Variants in NLK observed in about 807,000 individuals in gnomAD.
NLK encodes the protein nemo like kinase, also known as serine/threonine-protein kinase NLK.
In NLK, 11 loss-of-function variants were observed where a neutral mutation model predicts 59.0. The observed-to-expected ratio is 0.19, with a 90% confidence interval of 0.12 to 0.31. NLK has a LOEUF of 0.31. Ranked by LOEUF, NLK falls within the 10% of genes least tolerant of loss-of-function variation. NLK has a pLI of 1.00. For missense variants in NLK, 410 were observed against 661.1 expected (o/e 0.62, Z 4.16); for synonymous variants, 235 against 235.9 (o/e 1.00, Z 0.03).
chr17:28,111,996 T>C (rs967963119), intron 1 of NLK, among the ~76,000 whole-genome samples: 24 of 150,762 alleles, frequency 1.6e-4, no homozygotes, highest in Admixed American at 2.0e-4. Context: ...TTTTATTTTC[T>C]GCTGAGCCCT....
chr17:28,177,769 G>T (rs1908743343), intron 7 of NLK, among the ~76,000 whole-genome samples: 1 of 152,222 alleles, frequency 6.6e-6, no homozygotes, highest in African/African-American at 2.4e-5. Flanking sequence ...TAAGAAATAA[G>T]ATACATGTTT....
At chr17:28,183,921 T>G (rs576436451) in intron 7 of NLK, among the ~76,000 whole-genome samples, 1 of 152,350 alleles carries the variant, frequency 6.6e-6, no homozygotes, top group African/African-American at 2.4e-5. Context: ...TCACCTTCCT[T>G]AATTCTGCCT....
At chr17:28,139,259 A>G (rs1233836759) in intron 3 of NLK, among the ~76,000 whole-genome samples, 1 of 152,204 alleles carries the variant, frequency 6.6e-6, no homozygotes, top group African/African-American at 2.4e-5. Context: ...CCCACCAAAA[A>G]AAACAAAAGA....
intron 1 of NLK, among the ~76,000 whole-genome samples, chr17:28,105,521 T>G (rs1905046756): frequency 6.6e-6 from 1 of 152,250 alleles, no homozygotes. Flanking sequence ...TCCAGTTAAC[T>G]GGCTTTTCAA....
intron 10 of NLK, among the ~76,000 whole-genome samples, chr17:28,193,493 A>G (rs901894978): frequency 6.6e-6 from 1 of 152,224 alleles, no homozygotes; most frequent in African/African-American, 2.4e-5. Context: ...TCCTGATGCT[A>G]CAGCCTTGCA....
At position 28,047,708 on chromosome 17, in the gene NLK, A is replaced by G. The variant is rs141391882; in HGVS notation, c.458+4377A>G. Among the ~76,000 whole-genome samples the G allele has an allele frequency of 8.1e-4, 123 of 152,328 alleles. 1 individual carries two copies. The highest frequency in any genetic ancestry group is 2.6e-3 in the African/African-American group (109 of 41,586). Reference sequence around the variant, plus strand: ...AATTACTCAGTATAAGCCCTTGTGCATGGTAGAGATTGTCTAGCTTGCTCA... The same window carrying G: ...AATTACTCAGTATAAGCCCTTGTGCGTGGTAGAGATTGTCTAGCTTGCTCA... On this transcript the variant is annotated intron_variant, in intron 1 of 10. Coordinates refer to ENST00000407008, the MANE Select transcript of NLK (RefSeq NM_016231.5).
Position 28,191,178 on chromosome 17 carries a change from A to G in NLK, c.1394A>G (p.Asp465Gly), listed in dbSNP as rs1909292946. The G allele has an allele frequency of 1.2e-6, 2 of 1,612,960 alleles. No homozygotes were observed. Among genetic ancestry groups the G allele is most frequent in the South Asian group, 2.2e-5 (2 of 90,908 alleles). ...CCTGTCACCAATCCCAAATTTGATG[A>G]CACTTTCGAGAAGAACCTCAGTTCT... is the stretch of plus-strand genomic sequence containing the variant. ...FEPVTNPKFD[D>G]TFEKNLSSVR... The change falls in exon 9 of 11, where the codon GAC becomes GGC. Residue 465 changes from aspartate (D) to glycine (G), a missense_variant. Transcript: ENST00000407008.
chr17:28,110,230 T>G (rs1263688697), intron 1 of NLK, among the ~76,000 whole-genome samples: 5 of 152,128 alleles, frequency 3.3e-5, no homozygotes, highest in Non-Finnish European at 2.9e-5. Context: ...TATATATATA[T>G]CTTGGAATAT....
intron 1 of NLK, among the ~76,000 whole-genome samples, chr17:28,108,113 A>G (rs563358489): frequency 1.0e-3 from 157 of 152,282 alleles, no homozygotes; most frequent in African/African-American, 3.6e-3. Context: ...GCGTGCATGT[A>G]GTCCCAGCTA....
intron 4 of NLK, among the ~76,000 whole-genome samples, chr17:28,162,591 C>T (rs1053288597): frequency 3.3e-5 from 5 of 151,990 alleles, no homozygotes; most frequent in African/African-American, 9.7e-5. Context: ...GAGCCAAGAT[C>T]GCGTCACTGC....
intron 3 of NLK, among the ~76,000 whole-genome samples, chr17:28,157,629 C>T (rs539975056): frequency 2.6e-4 from 40 of 152,040 alleles, no homozygotes; most frequent in Admixed American, 7.2e-4. Context: ...ACCTGGCCTA[C>T]TTTATTAGTT....
Position 28,192,140 on chromosome 17 carries a change from T to C in NLK, c.1456T>C (p.Leu486=). 6.2e-7 allele frequency: 1 copy of C among 1,607,486 alleles called. No individual in the cohort carries two copies. Among genetic ancestry groups the C allele is most frequent in the Non-Finnish European group, 8.5e-7 (1 of 1,175,604 alleles). The change falls in exon 10 of 11, where the codon TTG becomes CTG. Residue 486 remains leucine (L), a synonymous_variant. Coordinates refer to ENST00000407008, the MANE Select transcript of NLK (RefSeq NM_016231.5). ...CACAGAAATTATTCATCAGTTCATTTTGGAACAGCAGAAAGGAAACAGAGT... is the reference window on the plus strand; with the variant it reads ...CACAGAAATTATTCATCAGTTCATTCTGGAACAGCAGAAAGGAAACAGAGT... ...QVKEIIHQFI[L]EQQKGNRVPL...
intron 3 of NLK, among the ~76,000 whole-genome samples, chr17:28,157,664 G>A (rs551872604): frequency 9.2e-5 from 14 of 152,180 alleles, no homozygotes; most frequent in African/African-American, 3.4e-4. Context: ...TTAAAAAAAA[G>A]AATAAGAAGA....
At chr17:28,159,881 G>A (rs1296023794) in intron 3 of NLK, among the ~76,000 whole-genome samples, 1 of 152,160 alleles carries the variant, frequency 6.6e-6, no homozygotes, top group Non-Finnish European at 1.5e-5. Context: ...AATTTTGAAG[G>A]ATTTCTGATG....
At chr17:28,166,488 C>G (rs562110493) in intron 5 of NLK, among the ~76,000 whole-genome samples, 11 of 152,204 alleles carry the variant, frequency 7.2e-5, no homozygotes, top group Non-Finnish European at 1.5e-4. Context: ...TCTTTTTAAG[C>G]TGCCGGAACT....
chr17:28,066,991 A>AT (rs2142752782), intron 1 of NLK, among the ~76,000 whole-genome samples: 1 of 152,342 alleles, frequency 6.6e-6, no homozygotes, highest in South Asian at 2.1e-4. Context: ...TATTCCGGAT[A>AT]TAAATCCTCT....
intron 2 of NLK, among the ~76,000 whole-genome samples, chr17:28,124,726 A>G (rs1346596997): frequency 6.6e-6 from 1 of 152,130 alleles, no homozygotes; most frequent in Non-Finnish European, 1.5e-5. Flanking sequence ...ATCCATGACG[A>G]AAAAATATTT....
At chr17:28,046,024 G>T (rs1474933457) in intron 1 of NLK, among the ~76,000 whole-genome samples, 1 of 152,098 alleles carries the variant, frequency 6.6e-6, no homozygotes. Context: ...TATTCTTCTG[G>T]AATAGCATAT....
intron 5 of NLK, among the ~76,000 whole-genome samples, chr17:28,166,891 G>A (rs1339106891): frequency 6.6e-6 from 1 of 152,144 alleles, no homozygotes; most frequent in Non-Finnish European, 1.5e-5. Context: ...AATATAACAA[G>A]TACTAACTTA....
Sources: gnomAD v4.1 joint callset for allele counts (sites outside exome capture counted in the v4.1 genomes callset) on GRCh38, gnomAD v4.1.1 for gene constraint, MANE v1.5 for transcripts, NCBI Gene and HGNC (gene_info 2026-07-23, HGNC 2026-07-21) for gene names.